The following SHTN1 variants were observed in gnomAD, a reference collection of about 807,000 sequenced individuals.
SHTN1 encodes the protein shootin 1.
Under a neutral mutation model 83.1 loss-of-function variants are expected in SHTN1, and 42 were observed. The observed-to-expected ratio is 0.51, with a 90% CI of 0.39 to 0.65. The LOEUF (loss-of-function observed/expected upper bound fraction) is 0.65, where lower values mean the gene tolerates loss of function less well. Among genes scored for constraint, SHTN1 ranks in the 30% least tolerant of loss-of-function variants. The probability of loss-of-function intolerance (pLI) is 0.00; values close to 1 mark genes in which losing one functional copy is unlikely to be tolerated. For missense variants in SHTN1, 622 were observed against 737.8 expected, an observed-to-expected ratio of 0.84 and a Z score of 1.82; for synonymous variants, 224 against 247.7, an observed-to-expected ratio of 0.90 and a Z score of 0.90.
In SHTN1 at chr10:117,005,129, C is replaced by T; in HGVS notation, c.-50G>A. The T allele has an allele frequency of 6.4e-7, 1 of 1,563,806 alleles. No homozygotes were observed. The highest frequency in any genetic ancestry group is 8.7e-7 in the Non-Finnish European group (1 of 1,153,394). The stretch of plus-strand genomic sequence containing the variant: ...AAGGGAAAGAGGGAGCGGCGCGGGG[C>T]ACACAGGAGGAGGGGGAAGAAAAAG... On this transcript the variant is annotated 5_prime_UTR_variant, in exon 1 of 17. Coordinates refer to ENST00000355371, the MANE Select transcript of SHTN1 (RefSeq NM_001127211.3).
chr10:116,948,138 G>A (rs1056150188), intron 7 of SHTN1, among the ~76,000 whole-genome samples: 1 of 152,186 alleles, frequency 6.6e-6, no homozygotes, highest in Non-Finnish European at 1.5e-5. Flanking sequence ...TATTTTTGCA[G>A]AACTACACTT....
chr10:117,040,546 A>C (rs1353392471), intron 2 of SHTN1, among the ~76,000 whole-genome samples: 1 of 152,260 alleles, frequency 6.6e-6, no homozygotes, highest in Non-Finnish European at 1.5e-5. Flanking sequence ...TAATTATACC[A>C]AATGTACCAT....
intron 1 of SHTN1, among the ~76,000 whole-genome samples, chr10:117,099,971 A>G (rs901083574): frequency 1.1e-4 from 17 of 152,226 alleles, no homozygotes; most frequent in South Asian, 6.2e-4. Context: ...TGAGGTCGGG[A>G]GTTCGAGACC....
rs540286599 is a variant in SHTN1 at position 117,094,047 on chromosome 10, C to T, written c.-189+32260G>A. On this transcript the variant is annotated intron_variant, in intron 1 of 17. Transcript: ENST00000392901. ...TGTGGAACTCAGGATATGTGGGCTT[C>T]CCTGACTCAGAAGCATCACAGACCA... is the stretch of plus-strand genomic sequence containing the variant. Among the ~76,000 whole-genome samples the T allele has an allele frequency of 4.6e-5, 7 of 152,228 alleles. No homozygotes were observed. The South Asian group carries it at 1.2e-3, about 27-fold the overall frequency.
intron 1 of SHTN1, among the ~76,000 whole-genome samples, chr10:117,088,232 G>T (rs1853378856): frequency 6.6e-6 from 1 of 152,180 alleles, no homozygotes; most frequent in Non-Finnish European, 1.5e-5. Context: ...GCACTACACA[G>T]GAATACACAA....
intron 10 of SHTN1, 69 bp downstream of exon 10, chr10:116,929,780 G>A: frequency 9.6e-7 from 1 of 1,037,016 alleles, no homozygotes; most frequent in Non-Finnish European, 1.4e-6. Flanking sequence ...CTATATGCCA[G>A]GTTTTGTACT....
intron 3 of SHTN1, among the ~76,000 whole-genome samples, chr10:116,968,164 G>C (rs1850468698): frequency 6.6e-6 from 1 of 152,122 alleles, no homozygotes; most frequent in African/African-American, 2.4e-5. Flanking sequence ...CCTAGTGACA[G>C]AGCGAGACTC....
At chr10:117,117,802 T>C (rs1343294345) in intron 1 of SHTN1, among the ~76,000 whole-genome samples, 1 of 152,190 alleles carries the variant, frequency 6.6e-6, no homozygotes, top group Non-Finnish European at 1.5e-5. Flanking sequence ...AAGGACAGTC[T>C]CTTCAATAAA....
chr10:116,914,379 G>GGAGT (rs1848306488), intron 13 of SHTN1, among the ~76,000 whole-genome samples: 1 of 152,058 alleles, frequency 6.6e-6, no homozygotes. Flanking sequence ...GGCTGAGGCA[G>GGAGT]GAGAATCGCT....
chr10:117,091,198 C>T (rs77461438), intron 1 of SHTN1, among the ~76,000 whole-genome samples: 3,648 of 152,298 alleles, frequency 0.024, 133 homozygotes, highest in African/African-American at 0.079. Flanking sequence ...GAGTAATTAA[C>T]GCATCAATAT....
intron 1 of SHTN1, among the ~76,000 whole-genome samples, chr10:117,083,816 C>G (rs1853308415): frequency 6.6e-6 from 1 of 152,134 alleles, no homozygotes; most frequent in Non-Finnish European, 1.5e-5. Context: ...TGCTGATACC[C>G]TTTCTTCCAG....
At chr10:117,026,486 A>C (rs1852334729) in intron 2 of SHTN1, among the ~76,000 whole-genome samples, 1 of 150,668 alleles carries the variant, frequency 6.6e-6, no homozygotes, top group African/African-American at 2.5e-5. Context: ...TCAATGTCAT[A>C]ATCTCAGCTC....
chr10:117,122,908 T>C (rs1853951904), intron 1 of SHTN1, among the ~76,000 whole-genome samples: 1 of 152,222 alleles, frequency 6.6e-6, no homozygotes, highest in African/African-American at 2.4e-5. Context: ...AGGGAAGTTC[T>C]GAGAAAGGTG....
chr10:116,985,211 G>C (rs571420943), intron 1 of SHTN1, among the ~76,000 whole-genome samples: 1 of 152,180 alleles, frequency 6.6e-6, no homozygotes, highest in African/African-American at 2.4e-5. Context: ...GAATACCAGA[G>C]TCCATGCCTA....
chr10:116,951,720 G>A (rs927071910), intron 6 of SHTN1, among the ~76,000 whole-genome samples, 189 bp downstream of exon 6: 1 of 152,170 alleles, frequency 6.6e-6, no homozygotes, highest in Non-Finnish European at 1.5e-5. Flanking sequence ...GCTAGCTAGT[G>A]GGTACATGAA....
At chr10:116,933,167 ATTAT>A (rs925250654) in intron 9 of SHTN1, among the ~76,000 whole-genome samples, 131 of 152,010 alleles carry the variant, frequency 8.6e-4, no homozygotes, top group African/African-American at 2.2e-3. Flanking sequence ...AATTATTTTT[ATTAT>A]TTATTTATTT....
At position 116,886,321 on chromosome 10, in the gene SHTN1, A is replaced by G. The variant is rs1847161267; in HGVS notation, c.*23T>C. 6.4e-7 allele frequency: 1 copy of G among 1,551,986 alleles called. No individual in the cohort carries two copies. Among genetic ancestry groups the G allele is most frequent in the East Asian group, 2.4e-5 (1 of 40,904 alleles). On this transcript the variant is annotated 3_prime_UTR_variant, in exon 17 of 17. Coordinates refer to ENST00000355371, the MANE Select transcript of SHTN1 (RefSeq NM_001127211.3). ...TGCTTATTGAAAAGGACTTCCAAAC[A>G]TGTCAGGCTTCTGGTTTATGGATCA...
intron 1 of SHTN1, among the ~76,000 whole-genome samples, chr10:117,114,524 C>T (rs1394323797): frequency 2.6e-5 from 4 of 152,108 alleles, no homozygotes; most frequent in Non-Finnish European, 4.4e-5. Context: ...GTGTAGAAAG[C>T]ATTTTGTCCT....
In SHTN1 at chr10:116,981,352, GA is replaced by G; in HGVS notation, c.59-2045del. Among the ~76,000 whole-genome samples the G allele has an allele frequency of 2.0e-5, 3 of 152,174 alleles. 1 individual carries two copies. In the East Asian group the frequency reaches 5.8e-4, roughly 29 times the overall value. On this transcript the variant is annotated intron_variant, in intron 1 of 16. Coordinates refer to ENST00000355371, the MANE Select transcript of SHTN1 (RefSeq NM_001127211.3). ...AAAACGAAACAAAACATTTTCAACA[GA>G]AAAAGATTTGACTGACCTAGAATGA...
Sources: allele counts gnomAD v4.1 joint callset (sites outside exome capture counted in the v4.1 genomes callset), GRCh38; gene constraint gnomAD v4.1.1; transcripts MANE v1.5; gene names NCBI Gene and HGNC (gene_info 2026-07-23, HGNC 2026-07-21).